The following ELF1 variants were observed in gnomAD, a reference collection of about 807,000 sequenced individuals.
The protein encoded by ELF1 is ETS-related transcription factor Elf-1.
Under a neutral mutation model 59.9 loss-of-function variants are expected in ELF1, and 24 were observed. The ratio of observed to expected loss-of-function variants is 0.40; its 90% CI spans 0.29 to 0.56. The LOEUF (loss-of-function observed/expected upper bound fraction) is 0.56. Ranked by LOEUF, ELF1 falls within the 20% of genes least tolerant of loss-of-function variation. The pLI, the probability that ELF1 is intolerant of heterozygous loss-of-function variation, is 0.44. For missense variants in ELF1, 627 were observed against 742.2 expected (o/e 0.84, Z 1.80); for synonymous variants, 248 against 266.2 (o/e 0.93, Z 0.67).
intron 1 of ELF1, chr13:40,992,954 T>A: frequency 1.2e-6 from 1 of 861,214 alleles, no homozygotes; most frequent in Non-Finnish European, 1.9e-6. Flanking sequence ...CTTTGATTAC[T>A]TTTTTGTTCT....
intron 1 of ELF1, among the ~76,000 whole-genome samples, chr13:41,010,669 T>C (rs540450226): frequency 2.0e-5 from 3 of 152,240 alleles, no homozygotes; most frequent in East Asian, 1.9e-4. Context: ...TTTTTGTTCA[T>C]TGCTATATCC....
intron 2 of ELF1, among the ~76,000 whole-genome samples, chr13:40,962,750 A>G (rs945469591): frequency 3.3e-5 from 5 of 152,076 alleles, no homozygotes; most frequent in Admixed American, 1.3e-4. Flanking sequence ...AGGCAGCCAC[A>G]TGTAGCAGAA....
At chr13:40,958,701 T>C (rs1871612273) in intron 3 of ELF1, 135 bp downstream of exon 3, 6 of 1,219,842 alleles carry the variant, frequency 4.9e-6, no homozygotes, top group Admixed American at 3.4e-5. Flanking sequence ...TTCTTCTCCA[T>C]GTAGGGCTGT....
At chr13:41,053,939 A>G (rs916856526) in intron 1 of ELF1, among the ~76,000 whole-genome samples, 1 of 152,192 alleles carries the variant, frequency 6.6e-6, no homozygotes, top group African/African-American at 2.4e-5. Flanking sequence ...AAATCCACAA[A>G]AAAACGAGGC....
intron 2 of ELF1, among the ~76,000 whole-genome samples, chr13:40,971,537 C>T (rs1224016753): frequency 6.6e-6 from 1 of 152,190 alleles, no homozygotes; most frequent in African/African-American, 2.4e-5. Context: ...AGGCATGCGC[C>T]ACTGCGTCTG....
chr13:41,034,855 A>C (rs1049465217), intron 1 of ELF1, among the ~76,000 whole-genome samples: 4 of 151,770 alleles, frequency 2.6e-5, no homozygotes, highest in African/African-American at 9.7e-5. Flanking sequence ...CCAATACAAA[A>C]CATTTATCCA....
chr13:40,953,293 A>T (rs1324059053), intron 3 of ELF1, among the ~76,000 whole-genome samples: 1 of 152,166 alleles, frequency 6.6e-6, no homozygotes, highest in African/African-American at 2.4e-5. Flanking sequence ...ATTCTTTAAT[A>T]TCATCTATTA....
In ELF1 at chr13:40,949,992, A is replaced by G. The variant is rs1426662910; in HGVS notation, c.362-19T>C. ...TTATTATCTAATGAAAATAAAATCA[A>G]CTAATTATAGTCCACTGTGTATTAT... On this transcript the variant is annotated intron_variant, in intron 4 of 8. Transcript: ENST00000239882. 1 of 1,583,386 alleles carries G rather than the reference A, an allele frequency of 6.3e-7. No individual in the cohort carries two copies. The highest frequency in any genetic ancestry group is 1.4e-5 in the African/African-American group (1 of 73,058).
intron 3 of ELF1, among the ~76,000 whole-genome samples, chr13:40,958,168 G>GTAT (rs1871572543): frequency 6.6e-6 from 1 of 152,194 alleles, no homozygotes; most frequent in Non-Finnish European, 1.5e-5. Context: ...AGTGATGAAA[G>GTAT]TATTATTACT....
intron 1 of ELF1, among the ~76,000 whole-genome samples, chr13:41,034,206 T>C (rs900889820): frequency 6.6e-6 from 1 of 151,992 alleles, no homozygotes; most frequent in Non-Finnish European, 1.5e-5. Context: ...AAAAAGAGAT[T>C]TGGGGGGATG....
At chr13:41,013,118 G>A (rs1875172597) in intron 1 of ELF1, among the ~76,000 whole-genome samples, 1 of 152,038 alleles carries the variant, frequency 6.6e-6, no homozygotes. Flanking sequence ...GGGTCCTGGA[G>A]GATTTTACAC....
At chr13:40,958,740 C>A in intron 3 of ELF1, 96 bp downstream of exon 3, 1 of 1,442,540 alleles carries the variant, frequency 6.9e-7, no homozygotes, top group Middle Eastern at 2.3e-4. Flanking sequence ...AGTTTAAAAC[C>A]AAGTTAGGGG....
chr13:41,035,470 T>C lies in ELF1; in HGVS notation c.-229+25368A>G, dbSNP rs192244751. ...CAGGTCATTTAGACCACTGTATAGG[T>C]CTAAAGTACACAAAAAGCCAAGGCC... On this transcript the variant is annotated intron_variant, in intron 1 of 1. Transcript: ENST00000405737. Among the ~76,000 whole-genome samples the C allele has an allele frequency of 2.6e-5, 4 of 152,094 alleles. No individual in the cohort carries two copies. The East Asian group carries it at 7.7e-4, about 29-fold the overall frequency.
chr13:40,941,802 C>T (rs1317011495), intron 7 of ELF1, among the ~76,000 whole-genome samples: 3 of 152,164 alleles, frequency 2.0e-5, no homozygotes, highest in South Asian at 2.1e-4. Flanking sequence ...GGACCACAGG[C>T]GCATGCTACC....
At chr13:41,007,207 G>A (rs1467356818) in intron 1 of ELF1, among the ~76,000 whole-genome samples, 2 of 152,036 alleles carry the variant, frequency 1.3e-5, no homozygotes, top group African/African-American at 4.8e-5. Context: ...CCTGTGTGGA[G>A]GTCTTAGCAG....
At chr13:41,033,710 G>C (rs548387678) in intron 1 of ELF1, among the ~76,000 whole-genome samples, 1 of 152,294 alleles carries the variant, frequency 6.6e-6, no homozygotes, top group South Asian at 2.1e-4. Context: ...CCAATGATTT[G>C]AGGTGGAACA....
At chr13:41,023,169 A>G (rs1167763630), upstream of ELF1, among the ~76,000 whole-genome samples, 2 of 152,214 alleles carry the variant, frequency 1.3e-5, no homozygotes, top group Non-Finnish European at 2.9e-5. Flanking sequence ...AATTTCAGAT[A>G]CTATTTATTT....
chr13:41,057,407 A>C (rs1326897142), intron 1 of ELF1, among the ~76,000 whole-genome samples: 6 of 144,248 alleles, frequency 4.2e-5, no homozygotes, highest in African/African-American at 5.2e-5. Context: ...TTTTCCCCCC[A>C]CCCCGAGATG....
At chr13:41,050,630 C>T (rs796991040) in intron 1 of ELF1, among the ~76,000 whole-genome samples, 1 of 152,124 alleles carries the variant, frequency 6.6e-6, no homozygotes, top group Admixed American at 6.5e-5. Context: ...AATCTCGGAT[C>T]GCTGCAACCT....
Sources: gnomAD v4.1 joint callset for allele counts (sites outside exome capture counted in the v4.1 genomes callset) on GRCh38, gnomAD v4.1.1 for gene constraint, MANE v1.5 for transcripts, NCBI Gene and HGNC (gene_info 2026-07-23, HGNC 2026-07-21) for gene names.